ST8SIA6: variants seen among roughly 807,000 people sequenced by gnomAD.
The protein encoded by ST8SIA6 is ST8 alpha-N-acetyl-neuraminide alpha-2,8-sialyltransferase 6.
Under a neutral mutation model 33.6 loss-of-function variants are expected in ST8SIA6, and 39 were observed. That is an observed-to-expected ratio of 1.16 (90% CI 0.90 to 1.52). The LOEUF (loss-of-function observed/expected upper bound fraction) is 1.52. Among genes scored for constraint, ST8SIA6 ranks in the 40% most tolerant of loss-of-function variants. ST8SIA6 has a pLI of 0.00. For synonymous variants in ST8SIA6, 172 were observed against 167.2 expected (o/e 1.03, Z -0.22); for missense variants, 441 against 443.8 (o/e 0.99, Z 0.06).
chr10:17,396,999 T>C, intron 2 of ST8SIA6, among the ~76,000 whole-genome samples: 1 of 149,328 alleles, frequency 6.7e-6, no homozygotes, highest in South Asian at 2.1e-4. Context: ...CCTTTCGCAG[T>C]TTCTTTCTTG....
At chr10:17,426,430 T>C (rs1023156831) in intron 2 of ST8SIA6, among the ~76,000 whole-genome samples, 4 of 152,110 alleles carry the variant, frequency 2.6e-5, no homozygotes, top group Admixed American at 1.3e-4. Flanking sequence ...CAAAAAACGG[T>C]GTGGAGAGTT....
chr10:17,335,343 G>T (rs1848466445), intron 4 of ST8SIA6, among the ~76,000 whole-genome samples: 1 of 152,178 alleles, frequency 6.6e-6, no homozygotes, highest in Non-Finnish European at 1.5e-5. Context: ...TATTGGTTTA[G>T]TCCTGAAAAG....
rs530997774 is a variant in ST8SIA6 at position 17,352,974 on chromosome 10, T to A, written c.377+6540A>T. ...ACACACTTCTTAAATTAAAAAAAAA[T>A]AAAATATGTATTGCTTTCAGCTGTC... On this transcript the variant is annotated intron_variant, in intron 4 of 7. Coordinates refer to ENST00000377602, the MANE Select transcript of ST8SIA6 (RefSeq NM_001004470.3). 4.6e-5 allele frequency among the ~76,000 whole-genome samples: 7 copies of A among 152,096 alleles called. No individual in the cohort carries two copies. In the South Asian group the frequency reaches 1.5e-3, roughly 32 times the overall value.
intron 3 of ST8SIA6, among the ~76,000 whole-genome samples, chr10:17,374,089 A>G (rs1849817085): frequency 4.7e-5 from 7 of 150,474 alleles, no homozygotes; most frequent in Admixed American, 2.0e-4. Flanking sequence ...ACACACACAC[A>G]CACACACACA....
chr10:17,366,064 A>G (rs1849549424), intron 3 of ST8SIA6, among the ~76,000 whole-genome samples: 1 of 152,190 alleles, frequency 6.6e-6, no homozygotes, highest in Non-Finnish European at 1.5e-5. Context: ...TCCACTGGGT[A>G]ATACTCTTTA....
At chr10:17,381,670 T>G (rs1850156359) in intron 3 of ST8SIA6, among the ~76,000 whole-genome samples, 1 of 152,230 alleles carries the variant, frequency 6.6e-6, no homozygotes, top group Admixed American at 6.5e-5. Context: ...ATACTTATCC[T>G]TGCCAAATAC....
At chr10:17,387,686 C>T (rs1850432145) in intron 3 of ST8SIA6, among the ~76,000 whole-genome samples, 1 of 152,162 alleles carries the variant, frequency 6.6e-6, no homozygotes, top group African/African-American at 2.4e-5. Flanking sequence ...TCAAGCTTTC[C>T]TAATAATTTC....
At chr10:17,340,551 C>A (rs1564409397) in intron 4 of ST8SIA6, among the ~76,000 whole-genome samples, 2 of 152,168 alleles carry the variant, frequency 1.3e-5, no homozygotes, top group Non-Finnish European at 2.9e-5. Flanking sequence ...GGGATAAGAA[C>A]CCCTTCCCCT....
rs1847809623 is a variant in ST8SIA6 at position 17,317,389 on chromosome 10, C to A, written c.*3489G>T. ...TCGCTATGGGATCAGCCTTCTGAAG[C>A]CACATGTAAATAGGAAATCTTCAAC... is the stretch of plus-strand genomic sequence containing the variant. On this transcript the variant is annotated 3_prime_UTR_variant, in exon 8 of 8. Coordinates refer to ENST00000377602, the MANE Select transcript of ST8SIA6 (RefSeq NM_001004470.3). Among the ~76,000 whole-genome samples, 1 of 152,130 alleles carries A rather than the reference C, an allele frequency of 6.6e-6. No individual in the cohort carries two copies. Among genetic ancestry groups the A allele is most frequent in the South Asian group, 2.1e-4 (1 of 4,832 alleles).
chr10:17,440,207 A>T (rs1195673253), intron 2 of ST8SIA6, among the ~76,000 whole-genome samples: 4 of 135,882 alleles, frequency 2.9e-5, no homozygotes, highest in African/African-American at 8.6e-5. Flanking sequence ...TCTCAAATGT[A>T]TTTTTTTTTT....
rs752676003 is a variant in ST8SIA6, at chr10:17,390,546, G to T, written c.275C>A (p.Ser92Tyr). ...KNLQYGIESF[S>Y]NKTKGYSEND... ...TAGAACTTACCCTTTCGTTTTGTTA[G>T]AGAAAGACTCAATGCCATATTGCAG... The change falls in exon 3 of 8, where the codon TCT (serine) becomes TAT (tyrosine). Residue 92 changes from serine to tyrosine, a missense_variant. By Grantham distance (144) the Ser-to-Tyr change is moderately radical. Transcript: ENST00000377602. The T allele has an allele frequency of 6.2e-7, 1 of 1,613,640 alleles. No individual in the cohort carries two copies. The highest frequency in any genetic ancestry group is 8.5e-7 in the Non-Finnish European group (1 of 1,179,702).
At chr10:17,369,399 G>A (rs1849660879) in intron 3 of ST8SIA6, among the ~76,000 whole-genome samples, 1 of 152,104 alleles carries the variant, frequency 6.6e-6, no homozygotes, top group Non-Finnish European at 1.5e-5. Context: ...TTTCTGCTAT[G>A]TATTTCAAAT....
intron 2 of ST8SIA6, among the ~76,000 whole-genome samples, chr10:17,448,692 T>C (rs920360057): frequency 6.6e-6 from 1 of 151,918 alleles, no homozygotes; most frequent in Non-Finnish European, 1.5e-5. Context: ...CTCGGCTCAC[T>C]GCAAGCTCCG....
chr10:17,420,703 A>G (rs1851755488), intron 2 of ST8SIA6, among the ~76,000 whole-genome samples: 1 of 152,160 alleles, frequency 6.6e-6, no homozygotes, highest in South Asian at 2.1e-4. Context: ...CTTCCCACAC[A>G]GGTGTCCTCT....
At chr10:17,402,749 G>C (rs1233837875) in intron 2 of ST8SIA6, among the ~76,000 whole-genome samples, 1 of 151,972 alleles carries the variant, frequency 6.6e-6, no homozygotes, top group South Asian at 2.1e-4. Flanking sequence ...ACAGGAAGGG[G>C]AGCATCACAC....
In ST8SIA6 at chr10:17,331,735, A is replaced by C. The variant is rs539328622; in HGVS notation, c.378-183T>G. On this transcript the variant is annotated intron_variant, in intron 4 of 7. Coordinates refer to ENST00000377602, the MANE Select transcript of ST8SIA6 (RefSeq NM_001004470.3). ...TCATATCCCTTGAGGACTGGGACTG[A>C]CTCTCTTTTTTTTCATTCTTCTTTT... Among the ~76,000 whole-genome samples the C allele has an allele frequency of 2.9e-4, 43 of 148,612 alleles. No homozygotes were observed. The South Asian group carries it at 8.8e-3, about 30-fold the overall frequency.
At position 17,321,140 on chromosome 10, in the gene ST8SIA6, C is replaced by G; in HGVS notation, c.935G>C (p.Arg312Thr). ...KYLKDLALFWRTKGVTAYRLS... is the reference protein window; with the variant it reads ...KYLKDLALFWTTKGVTAYRLS... ...GCGGTATGCAGTCACACCTTTAGTT[C>G]TCCAGAAAAGGGCCAGATCTTTCAG... The change falls in exon 8 of 8, where the codon AGA becomes ACA. Residue 312 changes from arginine to threonine, a missense_variant. Transcript: ENST00000377602. 1 of 1,614,044 alleles carries G rather than the reference C, an allele frequency of 6.2e-7. No individual in the cohort carries two copies. The highest frequency in any genetic ancestry group is 8.5e-7 in the Non-Finnish European group (1 of 1,179,992).
chr10:17,371,291 G>A (rs1044840901), intron 3 of ST8SIA6, among the ~76,000 whole-genome samples: 3 of 152,182 alleles, frequency 2.0e-5, no homozygotes, highest in Non-Finnish European at 4.4e-5. Flanking sequence ...GGAAAGCTCT[G>A]ACTGGGCAGA....
intron 3 of ST8SIA6, 64 bp from the exon 4 acceptor site, chr10:17,359,664 T>C: frequency 9.5e-7 from 1 of 1,050,464 alleles, no homozygotes; most frequent in Non-Finnish European, 1.4e-6. Context: ...TCTTAGAAGA[T>C]ACTGTTATAA....
Sources: gnomAD v4.1 joint callset for allele counts (sites outside exome capture counted in the v4.1 genomes callset) on GRCh38, gnomAD v4.1.1 for gene constraint, MANE v1.5 for transcripts, NCBI Gene and HGNC (gene_info 2026-07-23, HGNC 2026-07-21) for gene names.